SKIL: variants seen among roughly 807,000 people sequenced by gnomAD.
SKIL encodes the protein SKI like proto-oncogene, also known as ski-like protein.
In SKIL, 20 loss-of-function variants were observed where a neutral mutation model predicts 69.6. The observed-to-expected ratio is 0.29, with a 90% CI of 0.20 to 0.42. The LOEUF is 0.42. SKIL is among the 10% of genes least tolerant of loss of function. The pLI is 1.00. For missense variants in SKIL, 745 were observed against 783.1 expected, an observed-to-expected ratio of 0.95 and a Z score of 0.58; for synonymous variants, 310 against 279.9, an observed-to-expected ratio of 1.11 and a Z score of -1.08.
chr3:170,362,709 G>T (rs149159872), intron 2 of SKIL, among the ~76,000 whole-genome samples: 1 of 150,868 alleles, frequency 6.6e-6, no homozygotes, highest in South Asian at 2.1e-4. Context: ...CAGCTACTTG[G>T]GAGGCTGAGC....
rs1308599251 is a variant in SKIL at position 170,392,163 on chromosome 3, G to A, written c.1897-96G>A. 5 of 1,033,130 alleles carry A rather than the reference G, an allele frequency of 4.8e-6. No homozygotes were observed. In the East Asian group the frequency reaches 1.3e-4, roughly 27 times the overall value. The allele number at this position is 1,033,130 out of a possible 1,614,324, so 64.0% of individuals were successfully genotyped here. The stretch of plus-strand genomic sequence containing the variant: ...TAGTATACATGAAATAGTTCGTTTT[G>A]TAAAAAGTAATTTGAAAATAGATAT... On this transcript the variant is annotated intron_variant, in intron 6 of 6. Coordinates refer to ENST00000259119, the MANE Select transcript of SKIL (RefSeq NM_005414.5).
intron 2 of SKIL, among the ~76,000 whole-genome samples, chr3:170,364,474 C>A (rs1463577333): frequency 6.6e-6 from 1 of 151,980 alleles, no homozygotes; most frequent in East Asian, 1.9e-4. Flanking sequence ...CAGGTGCCCA[C>A]CACCATGCCT....
At chr3:170,358,268 G>A (rs1736039600) in intron 1 of SKIL, among the ~76,000 whole-genome samples, 1 of 152,088 alleles carries the variant, frequency 6.6e-6, no homozygotes, top group Non-Finnish European at 1.5e-5. Context: ...GAACTTCCCA[G>A]GGAGAGGGTG....
At chr3:170,383,673 GGGTTTGATACAAGAA>G (rs1328175862) in intron 3 of SKIL, among the ~76,000 whole-genome samples, 8 of 152,128 alleles carry the variant, frequency 5.3e-5, no homozygotes, top group Non-Finnish European at 1.0e-4. Flanking sequence ...TTGCTCAGTG[GGGTTTGATACAAGAA>G]CTGCCCAGTA....
At chr3:170,363,655 T>C (rs1736348466) in intron 2 of SKIL, among the ~76,000 whole-genome samples, 1 of 151,984 alleles carries the variant, frequency 6.6e-6, no homozygotes, top group African/African-American at 2.4e-5. Context: ...CCTTTAATTT[T>C]TGTTATTTTT....
In SKIL at chr3:170,360,557, G is replaced by C; in HGVS notation, c.226G>C (p.Val76Leu). Residue 76 changes from valine (V) to leucine (L), a missense_variant, in exon 2 of 7, where the codon GTT (valine) becomes CTT (leucine). Transcript: ENST00000259119. The stretch of plus-strand genomic sequence containing the variant: ...GCATGTTAAGCGAACCTGTACTTCT[G>C]TTCCTGAAACTTTGCATTTAAATCC... ...GEHVKRTCTS[V>L]PETLHLNPSL... 6.2e-7 allele frequency: 1 copy of C among 1,614,212 alleles called. No individual in the cohort carries two copies. The highest frequency in any genetic ancestry group is 2.2e-5 in the East Asian group (1 of 44,884).
In SKIL at chr3:170,359,830, T is replaced by A. The variant is rs1736131860; in HGVS notation, c.-502T>A. ...TCAGCACAGACCAGCAGACCATCAT[T>A]TTTAGAGGAAATACTCCCTCTGCCC... On this transcript the variant is annotated 5_prime_UTR_variant, in exon 2 of 7. Coordinates refer to ENST00000259119, the MANE Select transcript of SKIL (RefSeq NM_005414.5). 6.5e-6 allele frequency: 1 copy of A among 153,142 alleles called. No homozygotes were observed. Among genetic ancestry groups the A allele is most frequent in the African/African-American group, 2.4e-5 (1 of 41,436 alleles). 9.5% of individuals were successfully genotyped at this position (153,142 alleles called of 1,614,324 possible).
chr3:170,368,275 G>A (rs1487801833), intron 2 of SKIL, among the ~76,000 whole-genome samples: 1 of 152,166 alleles, frequency 6.6e-6, no homozygotes, highest in African/African-American at 2.4e-5. Context: ...TCATATGAGG[G>A]ACCATTATGA....
At chr3:170,383,937 A>G (rs1246589771) in intron 3 of SKIL, among the ~76,000 whole-genome samples, 1 of 151,956 alleles carries the variant, frequency 6.6e-6, no homozygotes, top group Non-Finnish European at 1.5e-5. Context: ...ACAGCTGTAT[A>G]AAGTCCTTAA....
rs572111681 is a variant in SKIL, at chr3:170,369,967, G to C, written c.1098+8538G>C. Among the ~76,000 whole-genome samples the C allele has an allele frequency of 3.3e-5, 5 of 152,228 alleles. No homozygotes were observed. In the South Asian group the frequency reaches 1.0e-3, roughly 32 times the overall value. On this transcript the variant is annotated intron_variant, in intron 2 of 6. Transcript: ENST00000259119. Reference sequence around the variant, plus strand: ...ATGTGATTTGCTTCCGGCTGCGCGCGGTGGCTCACGCCTGTAGTCCCAGCA... The same window carrying C: ...ATGTGATTTGCTTCCGGCTGCGCGCCGTGGCTCACGCCTGTAGTCCCAGCA...
chr3:170,364,652 T>C (rs1193462960), intron 2 of SKIL, among the ~76,000 whole-genome samples: 2 of 152,092 alleles, frequency 1.3e-5, no homozygotes, highest in Non-Finnish European at 1.5e-5. Context: ...CTGACATAAG[T>C]GTATTTTGGA....
chr3:170,386,105 GT>G (rs1254348531), intron 4 of SKIL, among the ~76,000 whole-genome samples: 4 of 149,050 alleles, frequency 2.7e-5, no homozygotes, highest in African/African-American at 9.9e-5. Flanking sequence ...TGATTCTTGG[GT>G]GGGGGTTTTC....
At chr3:170,358,532 A>G (rs567796750) in intron 1 of SKIL, 2 of 152,678 alleles carry the variant, frequency 1.3e-5, no homozygotes, top group African/African-American at 4.8e-5. Flanking sequence ...ATTCTAGGTC[A>G]TGCCTCTTGC....
chr3:170,372,835 A>G (rs935288574), intron 2 of SKIL, among the ~76,000 whole-genome samples: 6 of 152,172 alleles, frequency 3.9e-5, no homozygotes, highest in Non-Finnish European at 4.4e-5. Context: ...CATATGCATT[A>G]TATTTTATTT....
In SKIL at chr3:170,361,416, G is replaced by A. The variant is rs781469948; in HGVS notation, c.1085G>A (p.Arg362Lys). ...KEKFSMRSGK[R>K]NQSKTDAPSG... ...AAGTTTAGCATGAGAAGTGGAAAGA[G>A]AAATCAATCCAAGGCAAGTTTTTTA... Residue 362 changes from arginine to lysine, a missense_variant, in exon 2 of 7, where the codon AGA (arginine) becomes AAA (lysine). Coordinates refer to ENST00000259119, the MANE Select transcript of SKIL (RefSeq NM_005414.5). 2.1e-4 allele frequency: 326 copies of A among 1,573,040 alleles called. No individual in the cohort carries two copies. Among genetic ancestry groups the A allele is most frequent in the Non-Finnish European group, 2.8e-4 (324 of 1,165,034 alleles).
rs546412956 is a variant in SKIL, at chr3:170,360,943, C to G, written c.612C>G (p.Ile204Met). 11 of 1,614,196 alleles carry G rather than the reference C, an allele frequency of 6.8e-6. No individual in the cohort carries two copies. Among genetic ancestry groups the G allele is most frequent in the Admixed American group, 3.3e-5 (2 of 60,018 alleles). ...GGTGTACTTCAGACCAGCTTCATAT[C>G]TTAAAGGTACTGGGCATACTTCCAT... ...CSRCTSDQLH[I>M]LKVLGILPFN... Residue 204 changes from isoleucine (I) to methionine (M), a missense_variant, in exon 2 of 7, where the codon ATC becomes ATG. Transcript: ENST00000259119.
chr3:170,358,717 G>A (rs1263856644), intron 1 of SKIL: 1 of 152,220 alleles, frequency 6.6e-6, no homozygotes, highest in African/African-American at 2.4e-5. Flanking sequence ...TCTCAAGAAG[G>A]AAGTGGAAAA....
intron 2 of SKIL, among the ~76,000 whole-genome samples, chr3:170,369,112 C>G (rs1736676135): frequency 1.6e-5 from 2 of 126,614 alleles, no homozygotes; most frequent in South Asian, 5.0e-4. Context: ...TTTTTGAAAT[C>G]TGTAGAGTGG....
chr3:170,364,963 A>ATTT (rs1419472351), intron 2 of SKIL, among the ~76,000 whole-genome samples: 21 of 152,300 alleles, frequency 1.4e-4, no homozygotes, highest in Admixed American at 1.2e-3. Flanking sequence ...ATTGCTTGTA[A>ATTT]TTTTATGTGA....
Sources: allele counts gnomAD v4.1 joint callset (sites outside exome capture counted in the v4.1 genomes callset), GRCh38; gene constraint gnomAD v4.1.1; transcripts MANE v1.5; gene names NCBI Gene and HGNC (gene_info 2026-07-23, HGNC 2026-07-21).